The following RASGEF1A variants were observed in gnomAD, a reference collection of about 807,000 sequenced individuals.
RASGEF1A encodes ras-GEF domain-containing family member 1A.
Under a neutral mutation model 56.4 loss-of-function variants are expected in RASGEF1A, and 18 were observed. That is an observed-to-expected ratio of 0.32 (90% CI 0.22 to 0.47). RASGEF1A has a LOEUF of 0.47. RASGEF1A is among the 20% of genes least tolerant of loss of function. The pLI is 1.00. For missense variants in RASGEF1A, 422 were observed against 627.1 expected (o/e 0.67, Z 3.49); for synonymous variants, 245 against 242.6 (o/e 1.01, Z -0.09).
chr10:43,211,308 G>A (rs76236378), intron 1 of RASGEF1A, among the ~76,000 whole-genome samples: 209 of 152,276 alleles, frequency 1.4e-3, no homozygotes, highest in East Asian at 0.013. Flanking sequence ...GGCACCATTC[G>A]AGAAGGGGGT....
Position 43,203,439 on chromosome 10 carries a change from G to C in RASGEF1A, c.199-19C>G, listed in dbSNP as rs576792840. The C allele has an allele frequency of 6.6e-7, 1 of 1,516,970 alleles. No individual in the cohort carries two copies. Among genetic ancestry groups the C allele is most frequent in the Non-Finnish European group, 8.9e-7 (1 of 1,125,944 alleles). The allele number at this position is 1,516,970 out of a possible 1,614,324, so 94.0% of individuals were successfully genotyped here. ...ACGTCCTCTGAAGGCAGGAGACGGA[G>C]AGAGGGCGGAGGGAGGGTGAGGCAG... On this transcript the variant is annotated intron_variant, in intron 2 of 12. Transcript: ENST00000395810.
At chr10:43,203,679 T>G (rs1716807065) in intron 2 of RASGEF1A, 1 of 1,205,062 alleles carries the variant, frequency 8.3e-7, no homozygotes, top group Admixed American at 4.2e-5. Flanking sequence ...CTTCCTCCGC[T>G]GGGATTCTCC....
chr10:43,199,048 G>GT, intron 8 of RASGEF1A, 36 bp from the exon 9 acceptor site: 1 of 1,602,068 alleles, frequency 6.2e-7, no homozygotes, highest in Non-Finnish European at 8.5e-7. Flanking sequence ...GGGCCGGGGG[G>GT]GTGGGCCATG....
chr10:43,226,219 A>T (rs1840278420), intron 1 of RASGEF1A, among the ~76,000 whole-genome samples: 1 of 152,232 alleles, frequency 6.6e-6, no homozygotes, highest in African/African-American at 2.4e-5. Flanking sequence ...AAGCGGGCAG[A>T]TCATCTGAGG....
intron 3 of RASGEF1A, chr10:43,202,703 C>T (rs1839921106): frequency 2.1e-6 from 1 of 466,982 alleles, no homozygotes. Flanking sequence ...CGCCGCACAG[C>T]CTCCAAACCA....
At chr10:43,245,135 G>T (rs1205523438) in intron 1 of RASGEF1A, among the ~76,000 whole-genome samples, 1 of 152,084 alleles carries the variant, frequency 6.6e-6, no homozygotes, top group Non-Finnish European at 1.5e-5. Context: ...CAGCTTTACA[G>T]AAATAAAAAG....
At chr10:43,204,601 A>G (rs986323286) in intron 2 of RASGEF1A, among the ~76,000 whole-genome samples, 1 of 152,132 alleles carries the variant, frequency 6.6e-6, no homozygotes, top group South Asian at 2.1e-4. Flanking sequence ...AGGAGCATGG[A>G]GACCATGTGT....
intron 1 of RASGEF1A, among the ~76,000 whole-genome samples, chr10:43,222,188 A>G (rs1203017420): frequency 1.3e-5 from 2 of 152,212 alleles, no homozygotes; most frequent in Non-Finnish European, 2.9e-5. Context: ...ACAGCTAAAC[A>G]TAGAAAAAGC....
Position 43,232,499 on chromosome 10 carries a change from T to TTTC in RASGEF1A, c.-6-26378_-6-26377insGAA, listed in dbSNP as rs1290500853. On this transcript the variant is annotated intron_variant, in intron 1 of 12. Coordinates refer to ENST00000395810, the MANE Select transcript of RASGEF1A (RefSeq NM_145313.4). ...CCAGTCTCCGGCTTTTTTTTTTTTT[T>TTTC]TTTTGGAGATGGAGTCTCCCTCTAT... Among the ~76,000 whole-genome samples, 31 of 151,018 alleles carry TTTC rather than the reference T, an allele frequency of 2.1e-4. No individual in the cohort carries two copies. The South Asian group carries it at 6.2e-3, about 30-fold the overall frequency.
chr10:43,243,482 G>A (rs955235076), intron 1 of RASGEF1A, among the ~76,000 whole-genome samples: 2 of 146,840 alleles, frequency 1.4e-5, no homozygotes, highest in East Asian at 2.1e-4. Context: ...TTACCCGGCC[G>A]CCACCCCATC....
At chr10:43,207,634 C>A (rs1167314269) in intron 1 of RASGEF1A, 1 of 985,536 alleles carries the variant, frequency 1.0e-6, no homozygotes, top group Non-Finnish European at 1.2e-6. Flanking sequence ...GTGCTGCCCC[C>A]ACTCCAGGAC....
At chr10:43,229,624 G>T in intron 1 of RASGEF1A, 2 of 1,491,866 alleles carry the variant, frequency 1.3e-6, no homozygotes, top group South Asian at 1.2e-5. Context: ...GCCTGGGCCC[G>T]CCGCAGCCCT....
chr10:43,201,004 C>T, intron 4 of RASGEF1A, 116 bp from the exon 5 acceptor site: 1 of 927,582 alleles, frequency 1.1e-6, no homozygotes, highest in Admixed American at 2.1e-5. Flanking sequence ...AGCCCACAGC[C>T]CCTATCTAAA....
intron 1 of RASGEF1A, among the ~76,000 whole-genome samples, chr10:43,222,588 G>A (rs748830639): frequency 6.6e-6 from 1 of 152,246 alleles, no homozygotes; most frequent in Admixed American, 6.5e-5. Context: ...GGACAGGGAA[G>A]CTCCACGCCC....
intron 1 of RASGEF1A, among the ~76,000 whole-genome samples, chr10:43,256,050 T>C (rs1182356777): frequency 1.3e-5 from 2 of 152,136 alleles, no homozygotes; most frequent in South Asian, 2.1e-4. Context: ...ACCATAGTGT[T>C]TAGACAGAGG....
chr10:43,244,810 C>T (rs1316717711), intron 1 of RASGEF1A, among the ~76,000 whole-genome samples: 2 of 151,966 alleles, frequency 1.3e-5, no homozygotes, highest in Non-Finnish European at 2.9e-5. Flanking sequence ...ACAGCAAAAG[C>T]AGTGCTGAGT....
At chr10:43,250,859 T>C (rs1286684577) in intron 1 of RASGEF1A, among the ~76,000 whole-genome samples, 1 of 152,170 alleles carries the variant, frequency 6.6e-6, no homozygotes, top group Non-Finnish European at 1.5e-5. Context: ...GTGGTGGTCC[T>C]GGGGAACAAG....
rs564943891 is a variant in RASGEF1A, at chr10:43,251,147, T to C, written c.-7+15698A>G. On this transcript the variant is annotated intron_variant, in intron 1 of 12. Transcript: ENST00000395810. Reference sequence around the variant, plus strand: ...GGAAGGGCTGCAGGAAGAGGCCTGCTCTGCTGGCTGGGCCCTGATGGCACT... The same window carrying C: ...GGAAGGGCTGCAGGAAGAGGCCTGCCCTGCTGGCTGGGCCCTGATGGCACT... 4.6e-5 allele frequency among the ~76,000 whole-genome samples: 7 copies of C among 152,312 alleles called. No homozygotes were observed. In the East Asian group the frequency reaches 7.7e-4, roughly 17 times the overall value.
chr10:43,213,096 G>A (rs1016818367), intron 1 of RASGEF1A, among the ~76,000 whole-genome samples: 2 of 152,290 alleles, frequency 1.3e-5, no homozygotes, highest in South Asian at 2.1e-4. Flanking sequence ...GGGCAGGAGC[G>A]GGAAACAAAG....
Sources: allele counts gnomAD v4.1 joint callset (sites outside exome capture counted in the v4.1 genomes callset), GRCh38; gene constraint gnomAD v4.1.1; transcripts MANE v1.5; gene names NCBI Gene and HGNC (gene_info 2026-07-23, HGNC 2026-07-21).